RBMS3: variants seen among roughly 807,000 people sequenced by gnomAD.
RBMS3 encodes the protein RNA binding motif single stranded interacting protein 3, also known as RNA-binding motif, single-stranded-interacting protein 3.
RBMS3 carries 27 observed loss-of-function variants against 66.8 expected under a neutral mutation model. The observed-to-expected ratio is 0.40, with a 90% CI of 0.30 to 0.56. RBMS3 has a LOEUF of 0.56. Ranked by LOEUF, RBMS3 falls within the 20% of genes least tolerant of loss-of-function variation. RBMS3 has a pLI of 0.40. For synonymous variants in RBMS3, 188 were observed against 183.0 expected (o/e 1.03, Z -0.22); for missense variants, 513 against 549.5 (o/e 0.93, Z 0.66).
Position 29,686,078 on chromosome 3 carries a change from G to T in RBMS3, c.400-53642G>T, listed in dbSNP as rs112406772. Among the ~76,000 whole-genome samples the T allele has an allele frequency of 2.2e-4, 34 of 152,278 alleles. No individual in the cohort carries two copies. In the East Asian group the frequency reaches 6.0e-3, roughly 27 times the overall value. ...AAGCACTTTTGACCTTAGACAGGTG[G>T]CCTAAAAGGTGGGTACCAACTAGCC... On this transcript the variant is annotated intron_variant, in intron 4 of 14. Transcript: ENST00000383767.
intron 4 of RBMS3, among the ~76,000 whole-genome samples, chr3:29,595,538 C>G (rs1335343003): frequency 1.3e-5 from 2 of 151,940 alleles, no homozygotes; most frequent in Admixed American, 1.3e-4. Context: ...TTGAGAAAAC[C>G]AAATAATGAA....
At chr3:29,985,469 C>G (rs541828268) in intron 12 of RBMS3, among the ~76,000 whole-genome samples, 8 of 152,100 alleles carry the variant, frequency 5.3e-5, no homozygotes, top group Non-Finnish European at 7.4e-5. Context: ...ACCCAGGGCC[C>G]TAGTGGTGTA....
intron 3 of RBMS3, among the ~76,000 whole-genome samples, chr3:29,501,050 A>T (rs529600139): frequency 6.6e-6 from 1 of 152,180 alleles, no homozygotes; most frequent in Non-Finnish European, 1.5e-5. Flanking sequence ...AGTCCTGGGG[A>T]AGTTGTTCTG....
intron 12 of RBMS3, among the ~76,000 whole-genome samples, chr3:29,966,640 C>T (rs1047414763): frequency 5.3e-5 from 8 of 152,060 alleles, no homozygotes; most frequent in African/African-American, 1.7e-4. Flanking sequence ...TCTCAGCAAA[C>T]GGACAGTTTG....
chr3:29,703,327 G>A (rs762823779), intron 4 of RBMS3, among the ~76,000 whole-genome samples: 2 of 152,208 alleles, frequency 1.3e-5, no homozygotes, highest in Non-Finnish European at 2.9e-5. Context: ...ATATGTACAT[G>A]TGTTAATTCA....
intron 6 of RBMS3, among the ~76,000 whole-genome samples, chr3:29,807,242 C>G (rs2057583510): frequency 6.6e-6 from 1 of 151,900 alleles, no homozygotes; most frequent in South Asian, 2.1e-4. Context: ...ATGTCACTGT[C>G]TCACTAACTA....
intron 4 of RBMS3, among the ~76,000 whole-genome samples, chr3:29,643,304 G>T (rs1365962543): frequency 6.6e-6 from 1 of 152,088 alleles, no homozygotes; most frequent in Non-Finnish European, 1.5e-5. Flanking sequence ...CACATTTCCT[G>T]TGCATTAGCA....
chr3:29,989,489 C>A (rs1698679613), intron 13 of RBMS3, among the ~76,000 whole-genome samples: 1 of 152,174 alleles, frequency 6.6e-6, no homozygotes, highest in Non-Finnish European at 1.5e-5. Context: ...TGTTGGCAAG[C>A]AACTACTGTG....
At chr3:29,597,342 C>A (rs1409981852) in intron 4 of RBMS3, among the ~76,000 whole-genome samples, 1 of 152,100 alleles carries the variant, frequency 6.6e-6, no homozygotes, top group Admixed American at 6.6e-5. Context: ...GAATGATAGG[C>A]CTCTGTGATC....
chr3:29,533,516 C>T (rs779798795), intron 3 of RBMS3, among the ~76,000 whole-genome samples: 5 of 151,832 alleles, frequency 3.3e-5, no homozygotes, highest in Non-Finnish European at 7.4e-5. Context: ...GTGGCTCACA[C>T]CTGTAAATCC....
At chr3:29,505,960 C>T (rs2044167283) in intron 3 of RBMS3, among the ~76,000 whole-genome samples, 2 of 151,406 alleles carry the variant, frequency 1.3e-5, no homozygotes, top group South Asian at 2.1e-4. Context: ...TTTATTAGTT[C>T]CAATAGTTTT....
chr3:29,886,071 A>T (rs2059862164), intron 8 of RBMS3, among the ~76,000 whole-genome samples: 1 of 151,916 alleles, frequency 6.6e-6, no homozygotes, highest in Non-Finnish European at 1.5e-5. Context: ...AAATTTAAAC[A>T]TCATAATATT....
At chr3:29,653,484 C>T (rs2050212325) in intron 4 of RBMS3, among the ~76,000 whole-genome samples, 4 of 152,100 alleles carry the variant, frequency 2.6e-5, no homozygotes, top group Admixed American at 2.6e-4. Context: ...TGTTTAACTG[C>T]CTAAGGCTAG....
chr3:29,533,396 G>T (rs1576146613), intron 3 of RBMS3, among the ~76,000 whole-genome samples: 1 of 152,134 alleles, frequency 6.6e-6, no homozygotes, highest in Non-Finnish European at 1.5e-5. Flanking sequence ...GTGGGAGGAT[G>T]GTTTGAGCCC....
chr3:29,314,802 G>A (rs924716450), intron 1 of RBMS3, among the ~76,000 whole-genome samples: 1 of 151,776 alleles, frequency 6.6e-6, no homozygotes, highest in African/African-American at 2.4e-5. Flanking sequence ...TCAAACATGA[G>A]TGATGTCTTG....
chr3:29,703,749 T>A (rs2052740971), intron 4 of RBMS3, among the ~76,000 whole-genome samples: 1 of 152,224 alleles, frequency 6.6e-6, no homozygotes, highest in African/African-American at 2.4e-5. Flanking sequence ...GTAAAATCTT[T>A]AAATATTCAT....
intron 6 of RBMS3, among the ~76,000 whole-genome samples, chr3:29,846,848 T>G (rs191566152): frequency 2.0e-5 from 3 of 152,310 alleles, no homozygotes; most frequent in Admixed American, 6.5e-5. Flanking sequence ...TTTTTACTAA[T>G]AATAGGTTTG....
intron 4 of RBMS3, among the ~76,000 whole-genome samples, chr3:29,590,716 A>G (rs1266411987): frequency 6.6e-6 from 1 of 152,088 alleles, no homozygotes; most frequent in Non-Finnish European, 1.5e-5. Context: ...GTGTCTCTAT[A>G]AGCATGAAAA....
chr3:29,595,397 T>TAAAAAAAA (rs551487113), intron 4 of RBMS3, among the ~76,000 whole-genome samples: 1 of 99,942 alleles, frequency 1.0e-5, no homozygotes, highest in African/African-American at 3.6e-5. Context: ...AGAGTCAGTC[T>TAAAAAAAA]AAAAAAAAAA....
Sources: gnomAD v4.1 joint callset for allele counts (sites outside exome capture counted in the v4.1 genomes callset) on GRCh38, gnomAD v4.1.1 for gene constraint, MANE v1.5 for transcripts, NCBI Gene and HGNC (gene_info 2026-07-23, HGNC 2026-07-21) for gene names.